The following TRAPPC9 variants were observed in gnomAD, a reference collection of about 807,000 sequenced individuals.
TRAPPC9 encodes the protein IKK2 binding protein.
TRAPPC9 carries 83 observed loss-of-function variants against 124.0 expected under a neutral mutation model. The ratio of observed to expected loss-of-function variants is 0.67; its 90% confidence interval spans 0.56 to 0.80. The LOEUF (loss-of-function observed/expected upper bound fraction) is 0.80. Ranked by LOEUF, TRAPPC9 falls within the 30% of genes least tolerant of loss-of-function variation. The probability of loss-of-function intolerance (pLI) is 0.00; values close to 1 mark genes in which losing one functional copy is unlikely to be tolerated. For missense variants in TRAPPC9, 1,302 were observed against 1,508.3 expected (o/e 0.86, Z 2.27); for synonymous variants, 638 against 617.5 (o/e 1.03, Z -0.49).
intron 17 of TRAPPC9, among the ~76,000 whole-genome samples, chr8:140,179,991 TG>T (rs1369926702): frequency 7.9e-6 from 1 of 126,708 alleles, no homozygotes; most frequent in African/African-American, 2.9e-5. Flanking sequence ...AGTTATATCT[TG>T]ATTTTTTTTT....
chr8:139,987,150 G>A (rs750829831), intron 19 of TRAPPC9, among the ~76,000 whole-genome samples: 14 of 152,094 alleles, frequency 9.2e-5, no homozygotes, highest in African/African-American at 2.9e-4. Context: ...AGAAAACACC[G>A]CCATTTGTTT....
At chr8:139,959,091 G>A (rs553160714) in intron 19 of TRAPPC9, among the ~76,000 whole-genome samples, 8 of 150,242 alleles carry the variant, frequency 5.3e-5, no homozygotes, top group East Asian at 4.0e-4. Context: ...CGAGTCACAC[G>A]GGGGAGCCCT....
At chr8:140,120,841 T>C (rs1429403957) in intron 17 of TRAPPC9, among the ~76,000 whole-genome samples, 1 of 128,220 alleles carries the variant, frequency 7.8e-6, no homozygotes, top group African/African-American at 2.5e-5. Flanking sequence ...CCATCCATCA[T>C]CCATCCATCC....
At chr8:140,056,647 T>C (rs779873290) in intron 17 of TRAPPC9, among the ~76,000 whole-genome samples, 8 of 151,954 alleles carry the variant, frequency 5.3e-5, no homozygotes, top group Non-Finnish European at 7.4e-5. Flanking sequence ...TCTTATACCA[T>C]ACACAAAAAG....
In TRAPPC9 at chr8:139,729,654, A is replaced by C. The variant is rs1340519161; in HGVS notation, c.*1407T>G. ...ACAAAAAATTTGTTCCTTAGGCCGGAGGCCACAGGGTGACCTTGCTCCCAG... is the reference window on the plus strand; with the variant it reads ...ACAAAAAATTTGTTCCTTAGGCCGGCGGCCACAGGGTGACCTTGCTCCCAG... On this transcript the variant is annotated 3_prime_UTR_variant, in exon 23 of 23. Coordinates refer to ENST00000438773, the MANE Select transcript of TRAPPC9 (RefSeq NM_001160372.4). Among the ~76,000 whole-genome samples the C allele has an allele frequency of 6.6e-6, 1 of 152,198 alleles. No individual in the cohort carries two copies. The highest frequency in any genetic ancestry group is 1.9e-4 in the East Asian group (1 of 5,182).
intron 3 of TRAPPC9, among the ~76,000 whole-genome samples, chr8:140,437,662 G>A (rs765885539): frequency 4.4e-4 from 67 of 152,134 alleles, no homozygotes; most frequent in Non-Finnish European, 7.5e-4. Flanking sequence ...TATGTTCTAC[G>A]GCACCTCGTT....
chr8:139,751,885 T>C (rs560951432), intron 21 of TRAPPC9, among the ~76,000 whole-genome samples: 45 of 151,224 alleles, frequency 3.0e-4, no homozygotes, highest in South Asian at 1.5e-3. Context: ...TACCCATCCA[T>C]CCATCCATCC....
At chr8:140,118,532 T>G (rs2060930150) in intron 17 of TRAPPC9, among the ~76,000 whole-genome samples, 2 of 152,190 alleles carry the variant, frequency 1.3e-5, no homozygotes, top group African/African-American at 4.8e-5. Flanking sequence ...AGGCCTCTGA[T>G]AGCCATGTCT....
chr8:139,856,161 C>G (rs926775577), intron 21 of TRAPPC9, among the ~76,000 whole-genome samples: 1 of 152,138 alleles, frequency 6.6e-6, no homozygotes, highest in Non-Finnish European at 1.5e-5. Context: ...TCCCTCTGTG[C>G]CGTGCTCTCA....
chr8:140,005,807 G>C (rs952246789), intron 18 of TRAPPC9, among the ~76,000 whole-genome samples: 4 of 151,856 alleles, frequency 2.6e-5, no homozygotes, highest in African/African-American at 9.7e-5. Context: ...AGCTACTTGG[G>C]AGGCTGAGGC....
Position 139,729,830 on chromosome 8 carries a change from C to T in TRAPPC9, c.*1231G>A, listed in dbSNP as rs893174575. 6.6e-6 allele frequency among the ~76,000 whole-genome samples: 1 copy of T among 152,096 alleles called. No homozygotes were observed. The highest frequency in any genetic ancestry group is 1.5e-5 in the Non-Finnish European group (1 of 68,008). ...TGGCCAACTGGCCTTTAGGAAGCCC[C>T]GCTCTCTGTCCCCCAATACTCCATG... On this transcript the variant is annotated 3_prime_UTR_variant, in exon 23 of 23. Transcript: ENST00000438773.
At chr8:140,005,417 A>G (rs1436354018) in intron 18 of TRAPPC9, among the ~76,000 whole-genome samples, 2 of 152,156 alleles carry the variant, frequency 1.3e-5, no homozygotes, top group Non-Finnish European at 2.9e-5. Flanking sequence ...CCAGTCAGGG[A>G]AGGTTCCGAA....
intron 19 of TRAPPC9, among the ~76,000 whole-genome samples, chr8:139,975,918 A>C (rs915389472): frequency 2.0e-5 from 3 of 150,428 alleles, no homozygotes; most frequent in Admixed American, 6.8e-5. Context: ...CCAATGGAGA[A>C]AGGACAGTCT....
chr8:140,333,041 A>T (rs1021046370), intron 9 of TRAPPC9, among the ~76,000 whole-genome samples: 8 of 151,934 alleles, frequency 5.3e-5, no homozygotes, highest in African/African-American at 1.9e-4. Flanking sequence ...CAAGAGAATC[A>T]CTTGAACCCG....
chr8:140,383,498 G>A (rs556772725), intron 7 of TRAPPC9, among the ~76,000 whole-genome samples: 3 of 152,286 alleles, frequency 2.0e-5, no homozygotes, highest in South Asian at 2.1e-4. Flanking sequence ...ACGATGGCAC[G>A]AGAACTACGT....
intron 19 of TRAPPC9, among the ~76,000 whole-genome samples, chr8:139,923,267 T>C (rs1228397310): frequency 6.6e-6 from 1 of 152,202 alleles, no homozygotes; most frequent in Non-Finnish European, 1.5e-5. Context: ...ACAGAAATCT[T>C]TCCATGTTAA....
chr8:140,168,002 T>C (rs1445746521), intron 17 of TRAPPC9, among the ~76,000 whole-genome samples: 4 of 152,170 alleles, frequency 2.6e-5, no homozygotes, highest in African/African-American at 4.8e-5. Context: ...CTGTATGAAA[T>C]GTGGCATATG....
chr8:140,130,091 G>A (rs976467402), intron 17 of TRAPPC9, among the ~76,000 whole-genome samples: 2 of 152,172 alleles, frequency 1.3e-5, no homozygotes, highest in Non-Finnish European at 2.9e-5. Context: ...GTGTCAGAAG[G>A]ACACAGGCAG....
intron 2 of TRAPPC9, among the ~76,000 whole-genome samples, chr8:140,444,211 CAAAAAA>C (rs35984317): frequency 1.5e-5 from 1 of 66,682 alleles, no homozygotes; most frequent in Non-Finnish European, 3.1e-5. Context: ...GACTCTGTCT[CAAAAAA>C]AAAAAAAAAA....
Sources: allele counts gnomAD v4.1 joint callset (sites outside exome capture counted in the v4.1 genomes callset), GRCh38; gene constraint gnomAD v4.1.1; transcripts MANE v1.5; gene names NCBI Gene and HGNC (gene_info 2026-07-23, HGNC 2026-07-21).